Variants in TAFA1 observed in about 807,000 individuals in gnomAD.
TAFA1 encodes the protein chemokine-like protein TAFA-1.
Under a neutral mutation model 18.5 loss-of-function variants are expected in TAFA1, and 4 were observed. The ratio of observed to expected loss-of-function variants is 0.22; its 90% confidence interval spans 0.11 to 0.49. TAFA1 has a LOEUF of 0.49. TAFA1 is among the 20% of genes least tolerant of loss of function. The probability of loss-of-function intolerance (pLI) is 0.98; values close to 1 mark genes in which losing one functional copy is unlikely to be tolerated. For synonymous variants in TAFA1, 56 were observed against 55.2 expected (o/e 1.01, Z -0.06); for missense variants, 147 against 169.0 (o/e 0.87, Z 0.72).
intron 2 of TAFA1, among the ~76,000 whole-genome samples, chr3:68,197,345 G>A (rs901928240): frequency 3.0e-4 from 46 of 151,764 alleles, no homozygotes; most frequent in African/African-American, 1.1e-3. Context: ...AGAAATAAGT[G>A]GGTATGGTAT....
chr3:68,215,267 G>A (rs2066643206), intron 2 of TAFA1, among the ~76,000 whole-genome samples: 1 of 152,018 alleles, frequency 6.6e-6, no homozygotes, highest in South Asian at 2.1e-4. Flanking sequence ...TGCTTAAGAA[G>A]CATAAAAATG....
intron 2 of TAFA1, among the ~76,000 whole-genome samples, chr3:68,146,767 C>T (rs1269383193): frequency 6.6e-6 from 1 of 152,174 alleles, no homozygotes; most frequent in Non-Finnish European, 1.5e-5. Context: ...CCAGGGTAAG[C>T]ATAGGAAATT....
intron 2 of TAFA1, among the ~76,000 whole-genome samples, chr3:68,355,917 A>G (rs561334887): frequency 1.2e-4 from 19 of 152,114 alleles, no homozygotes; most frequent in African/African-American, 4.3e-4. Context: ...ACATATGACT[A>G]TTTAAATTTG....
intron 3 of TAFA1, among the ~76,000 whole-genome samples, chr3:68,422,067 T>A (rs532193086): frequency 6.6e-6 from 1 of 152,138 alleles, no homozygotes; most frequent in Non-Finnish European, 1.5e-5. Flanking sequence ...CATATTAATA[T>A]ATGTCCTTCC....
intron 2 of TAFA1, among the ~76,000 whole-genome samples, chr3:68,324,592 T>A (rs1045249239): frequency 2.0e-5 from 3 of 152,168 alleles, no homozygotes; most frequent in African/African-American, 4.8e-5. Flanking sequence ...CTGAATTGAA[T>A]GCTCACAAGT....
At chr3:68,247,187 A>C (rs553894897) in intron 2 of TAFA1, among the ~76,000 whole-genome samples, 1 of 152,190 alleles carries the variant, frequency 6.6e-6, no homozygotes, top group Non-Finnish European at 1.5e-5. Flanking sequence ...TTGTTGTGAT[A>C]AAGTCCACCT....
intron 2 of TAFA1, among the ~76,000 whole-genome samples, chr3:68,397,144 T>A (rs999656233): frequency 6.6e-6 from 1 of 152,190 alleles, no homozygotes; most frequent in African/African-American, 2.4e-5. Flanking sequence ...TTCTTTCTTT[T>A]TTTTAAATTT....
rs145660666 is a variant in TAFA1 at position 68,006,101 on chromosome 3, T to C, written c.-3-523T>C. ...TAGGTCCAGTCAAAAGGATCAGTTCTATCAGGAGATTACAACATGCCTCTG... is the reference window on the plus strand; with the variant it reads ...TAGGTCCAGTCAAAAGGATCAGTTCCATCAGGAGATTACAACATGCCTCTG... On this transcript the variant is annotated intron_variant, in intron 1 of 4. Coordinates refer to ENST00000478136, the MANE Select transcript of TAFA1 (RefSeq NM_213609.4). 6.1e-4 allele frequency: 94 copies of C among 155,132 alleles called. No homozygotes were observed. The East Asian group carries it at 0.017, about 28-fold the overall frequency. 9.6% of individuals were successfully genotyped at this position (155,132 alleles called of 1,614,324 possible).
At chr3:68,522,240 G>T (rs996683594) in intron 3 of TAFA1, among the ~76,000 whole-genome samples, 2 of 152,114 alleles carry the variant, frequency 1.3e-5, no homozygotes, top group African/African-American at 4.8e-5. Context: ...ATGTCTTCCA[G>T]TGTCTTTCTG....
intron 2 of TAFA1, among the ~76,000 whole-genome samples, chr3:68,374,988 G>A (rs1362128879): frequency 1.3e-5 from 2 of 151,932 alleles, no homozygotes; most frequent in Non-Finnish European, 2.9e-5. Context: ...TGATGGCTTC[G>A]TCAACTCTCC....
At chr3:68,344,087 C>T (rs1254289766) in intron 2 of TAFA1, among the ~76,000 whole-genome samples, 1 of 152,170 alleles carries the variant, frequency 6.6e-6, no homozygotes, top group Non-Finnish European at 1.5e-5. Context: ...AGGTGATCTG[C>T]CTGCCTGGGC....
chr3:68,162,387 G>T (rs1321211645), intron 2 of TAFA1, among the ~76,000 whole-genome samples: 1 of 152,078 alleles, frequency 6.6e-6, no homozygotes, highest in Non-Finnish European at 1.5e-5. Flanking sequence ...CACATGCACA[G>T]TTCACAATAG....
intron 2 of TAFA1, among the ~76,000 whole-genome samples, chr3:68,050,209 G>GA (rs1348427144): frequency 4.6e-5 from 7 of 152,126 alleles, no homozygotes; most frequent in African/African-American, 1.7e-4. Flanking sequence ...TAGGGAAGAA[G>GA]AAAAAACCAT....
chr3:68,022,983 T>C (rs1307913269), intron 2 of TAFA1, among the ~76,000 whole-genome samples: 3 of 148,650 alleles, frequency 2.0e-5, no homozygotes, highest in African/African-American at 7.4e-5. Flanking sequence ...TTTTTTTTTT[T>C]ACTTTGTACC....
the TAFA1 span, among the ~76,000 whole-genome samples, chr3:67,996,354 A>G: frequency 6.6e-6 from 1 of 152,260 alleles, no homozygotes; most frequent in African/African-American, 2.4e-5. Context: ...GCATTGGGAA[A>G]TAATTACATA....
intron 2 of TAFA1, among the ~76,000 whole-genome samples, chr3:68,122,201 T>A (rs1416169100): frequency 6.6e-6 from 1 of 152,168 alleles, no homozygotes; most frequent in Non-Finnish European, 1.5e-5. Flanking sequence ...TTATATATTT[T>A]TTTTAATTCT....
intron 2 of TAFA1, among the ~76,000 whole-genome samples, chr3:68,040,080 T>C (rs923432119): frequency 9.2e-5 from 14 of 152,216 alleles, no homozygotes; most frequent in Non-Finnish European, 1.8e-4. Context: ...TGATAGGATA[T>C]GGACAGGACA....
At chr3:68,328,061 C>T (rs2068805848) in intron 2 of TAFA1, among the ~76,000 whole-genome samples, 2 of 152,090 alleles carry the variant, frequency 1.3e-5, no homozygotes, top group Admixed American at 1.3e-4. Flanking sequence ...GCCTGGTTAA[C>T]GTCGGCCTGT....
intron 3 of TAFA1, among the ~76,000 whole-genome samples, chr3:68,532,898 TA>T (rs2073211243): frequency 6.7e-6 from 1 of 149,922 alleles, no homozygotes; most frequent in African/African-American, 2.4e-5. Flanking sequence ...ATAATAATAA[TA>T]ATAATAATAA....
Sources: gnomAD v4.1 joint callset for allele counts (sites outside exome capture counted in the v4.1 genomes callset) on GRCh38, gnomAD v4.1.1 for gene constraint, MANE v1.5 for transcripts, NCBI Gene and HGNC (gene_info 2026-07-23, HGNC 2026-07-21) for gene names.